The following CLIP2 variants were observed in gnomAD, a reference collection of about 807,000 sequenced individuals.
The protein encoded by CLIP2 is CAP-Gly domain-containing linker protein 2.
In CLIP2, 41 loss-of-function variants were observed where a neutral mutation model predicts 111.7. The observed-to-expected ratio is 0.37, with a 90% CI of 0.29 to 0.48. The LOEUF (loss-of-function observed/expected upper bound fraction) is 0.48, where lower values mean the gene tolerates loss of function less well. Among genes scored for constraint, CLIP2 ranks in the 20% least tolerant of loss-of-function variants. The pLI, the probability that CLIP2 is intolerant of heterozygous loss-of-function variation, is 0.99. For missense variants in CLIP2, 1,160 were observed against 1,422.1 expected, an observed-to-expected ratio of 0.82 and a Z score of 2.96; for synonymous variants, 660 against 644.2, an observed-to-expected ratio of 1.02 and a Z score of -0.37.
intron 3 of CLIP2, among the ~76,000 whole-genome samples, chr7:74,347,476 G>A (rs2116582198): frequency 6.6e-6 from 1 of 152,166 alleles, no homozygotes; most frequent in Middle Eastern, 3.4e-3. Context: ...CACTGTGTTG[G>A]CCAGGCTGGT....
chr7:74,304,518 T>G (rs1440881277), intron 1 of CLIP2, among the ~76,000 whole-genome samples: 1 of 145,528 alleles, frequency 6.9e-6, no homozygotes, highest in Admixed American at 7.0e-5. Flanking sequence ...AGAGGGAGAC[T>G]CTGACAAAAA....
chr7:74,364,993 T>TTTTGTG (rs1491163760), intron 8 of CLIP2: 1 of 263,870 alleles, frequency 3.8e-6, no homozygotes. Flanking sequence ...CTGTTTTTTG[T>TTTTGTG]TGTGTGTGTG....
At chr7:74,368,011 G>A (rs537112802) in intron 8 of CLIP2, among the ~76,000 whole-genome samples, 1 of 152,276 alleles carries the variant, frequency 6.6e-6, no homozygotes, top group East Asian at 1.9e-4. Flanking sequence ...CCAGAAGTTC[G>A]AGACCAGCTT....
intron 2 of CLIP2, among the ~76,000 whole-genome samples, chr7:74,337,183 T>C (rs1189222693): frequency 1.3e-5 from 2 of 151,954 alleles, no homozygotes; most frequent in Admixed American, 6.6e-5. Flanking sequence ...CCACCAAACC[T>C]AGCCACCCTT....
chr7:74,348,854 T>C (rs1487928493), intron 3 of CLIP2, among the ~76,000 whole-genome samples: 1 of 149,314 alleles, frequency 6.7e-6, no homozygotes, highest in Non-Finnish European at 1.5e-5. Context: ...ACACAAAAAC[T>C]TGTACAAGTA....
At chr7:74,292,158 G>C (rs1196614182) in intron 1 of CLIP2, among the ~76,000 whole-genome samples, 1 of 151,956 alleles carries the variant, frequency 6.6e-6, no homozygotes, top group Non-Finnish European at 1.5e-5. Flanking sequence ...CTGACCTCAG[G>C]TGATCCACCT....
At chr7:74,297,929 G>A (rs536163387) in intron 1 of CLIP2, among the ~76,000 whole-genome samples, 7 of 151,684 alleles carry the variant, frequency 4.6e-5, no homozygotes, top group Middle Eastern at 3.4e-3. Flanking sequence ...CCAGAGGAGG[G>A]CACTTTAATG....
At chr7:74,365,017 G>C (rs1449656028) in intron 8 of CLIP2, 2 of 302,942 alleles carry the variant, frequency 6.6e-6, no homozygotes, top group East Asian at 8.8e-5. Flanking sequence ...GTGTGTGTGT[G>C]TGTGTGTGTG....
At chr7:74,339,321 T>A (rs1584340818) in intron 3 of CLIP2, among the ~76,000 whole-genome samples, 1 of 67,736 alleles carries the variant, frequency 1.5e-5, no homozygotes, top group Non-Finnish European at 4.6e-5. Context: ...TTATTTATTT[T>A]TGAGATGGAG....
chr7:74,360,872 G>A (rs1554309577), intron 7 of CLIP2, among the ~76,000 whole-genome samples: 3 of 152,070 alleles, frequency 2.0e-5, no homozygotes, highest in Admixed American at 2.0e-4. Context: ...ATTGCATAGA[G>A]TTCACTGTTC....
intron 1 of CLIP2, among the ~76,000 whole-genome samples, chr7:74,314,699 C>G (rs1269189055): frequency 6.6e-6 from 1 of 152,190 alleles, no homozygotes; most frequent in Non-Finnish European, 1.5e-5. Flanking sequence ...CTCCCCAGGG[C>G]AGAGGCCGAG....
Position 74,381,403 on chromosome 7 carries a change from G to A in CLIP2, c.2479+540G>A, listed in dbSNP as rs1297485688. Among the ~76,000 whole-genome samples, 3 of 152,108 alleles carry A rather than the reference G, an allele frequency of 2.0e-5. No individual in the cohort carries two copies. In the East Asian group the frequency reaches 5.8e-4, roughly 29 times the overall value. On this transcript the variant is annotated intron_variant, in intron 11 of 16. Coordinates refer to ENST00000223398, the MANE Select transcript of CLIP2 (RefSeq NM_003388.5). ...GGGGTTTCACCATGTTGACCAGGGT[G>A]GTCTCGATCTCCTGACTGCGTGATC...
chr7:74,307,667 A>G (rs1482142994), intron 1 of CLIP2, among the ~76,000 whole-genome samples: 1 of 151,646 alleles, frequency 6.6e-6, no homozygotes, highest in Non-Finnish European at 1.5e-5. Context: ...ATTTTTTTGT[A>G]TTTTTAGTAG....
intron 1 of CLIP2, among the ~76,000 whole-genome samples, chr7:74,290,102 C>G (rs2116426722): frequency 6.6e-6 from 1 of 152,334 alleles, no homozygotes; most frequent in East Asian, 1.9e-4. Context: ...AAGGGCAGAG[C>G]AAGACGGCTG....
chr7:74,340,343 C>A (rs1554305143), intron 3 of CLIP2, among the ~76,000 whole-genome samples: 1 of 152,040 alleles, frequency 6.6e-6, no homozygotes, highest in Non-Finnish European at 1.5e-5. Flanking sequence ...TTTCAGTGAG[C>A]CGAGATCATG....
chr7:74,367,417 C>T (rs1790493001), intron 8 of CLIP2, among the ~76,000 whole-genome samples: 1 of 152,158 alleles, frequency 6.6e-6, no homozygotes, highest in Non-Finnish European at 1.5e-5. Context: ...GTCTCAATCT[C>T]CTGACCTCAT....
At chr7:74,329,277 T>G (rs1789210712) in intron 2 of CLIP2, among the ~76,000 whole-genome samples, 1 of 151,592 alleles carries the variant, frequency 6.6e-6, no homozygotes. Flanking sequence ...CCTCCTGAGC[T>G]CAAGTGATCC....
At chr7:74,365,566 G>T (rs868912119) in intron 8 of CLIP2, among the ~76,000 whole-genome samples, 4 of 152,122 alleles carry the variant, frequency 2.6e-5, no homozygotes, top group Non-Finnish European at 4.4e-5. Flanking sequence ...CTGGATAGGG[G>T]TCCACCCCGG....
intron 8 of CLIP2, among the ~76,000 whole-genome samples, chr7:74,366,808 G>A (rs1192470957): frequency 3.3e-5 from 5 of 151,298 alleles, no homozygotes; most frequent in Admixed American, 1.3e-4. Flanking sequence ...ATTGGGAGGC[G>A]GCAGTTACAG....
Sources: allele counts gnomAD v4.1 joint callset (sites outside exome capture counted in the v4.1 genomes callset), GRCh38; gene constraint gnomAD v4.1.1; transcripts MANE v1.5; gene names NCBI Gene and HGNC (gene_info 2026-07-23, HGNC 2026-07-21).